Variants in DDX52 observed in about 807,000 individuals in gnomAD.
The protein encoded by DDX52 is DExD-box helicase 52, also known as probable ATP-dependent RNA helicase DDX52.
In DDX52, 59 loss-of-function variants were observed where a neutral mutation model predicts 76.1. That is an observed-to-expected ratio of 0.78 (90% CI 0.63 to 0.96). DDX52 has a LOEUF of 0.96. DDX52 is among the 40% of genes least tolerant of loss of function. The pLI is 0.00. For synonymous variants in DDX52, 231 were observed against 244.1 expected (o/e 0.95, Z 0.50); for missense variants, 707 against 703.9 (o/e 1.00, Z -0.05).
In DDX52 at chr17:37,612,679, G is replaced by GT. The variant is rs2064381775; in HGVS notation, c.*1616dup. 6.6e-6 allele frequency: 1 copy of GT among 152,150 alleles called. No homozygotes were observed. Among genetic ancestry groups the GT allele is most frequent in the Non-Finnish European group, 1.5e-5 (1 of 68,032 alleles). 9.4% of individuals were successfully genotyped at this position (152,150 alleles called of 1,614,324 possible). On this transcript the variant is annotated 3_prime_UTR_variant, in exon 15 of 15. Coordinates refer to ENST00000617633, the MANE Select transcript of DDX52 (RefSeq NM_007010.5). ...GCTCCTTTATCTCTAACATTACATT[G>GT]TAAGGGTAAGGACTGTGTTATCAAG...
chr17:37,612,797 T>G lies in DDX52; in HGVS notation c.*1499A>C, dbSNP rs1222395036. The G allele has an allele frequency of 6.6e-6, 1 of 152,214 alleles. No individual in the cohort carries two copies. The highest frequency in any genetic ancestry group is 2.4e-5 in the African/African-American group (1 of 41,446). 9.4% of individuals were successfully genotyped at this position (152,214 alleles called of 1,614,324 possible). ...TGCTAGGTACTCACAATTGGAGACA[T>G]AATTTTATAGATGAGAACACTGAAA... On this transcript the variant is annotated 3_prime_UTR_variant, in exon 15 of 15. Coordinates refer to ENST00000617633, the MANE Select transcript of DDX52 (RefSeq NM_007010.5).
Position 37,620,854 on chromosome 17 carries a change from G to T in DDX52, c.1577+19C>A. ...GAAGCAATTTTGCCAATAACACTAG[G>T]TTATTTTTTCTAATTTACCTTCTTA... On this transcript the variant is annotated intron_variant, in intron 12 of 14. Coordinates refer to ENST00000617633, the MANE Select transcript of DDX52 (RefSeq NM_007010.5). 1.3e-6 allele frequency: 2 copies of T among 1,579,712 alleles called. No individual in the cohort carries two copies. The highest frequency in any genetic ancestry group is 8.5e-7 in the Non-Finnish European group (1 of 1,170,398).
chr17:37,633,655 CA>C (rs374530358), intron 2 of DDX52, among the ~76,000 whole-genome samples: 7,904 of 80,630 alleles, frequency 0.098, 539 homozygotes, highest in African/African-American at 0.26. Flanking sequence ...AACCTTGTCT[CA>C]AAAAAAAAAA....
intron 6 of DDX52, among the ~76,000 whole-genome samples, chr17:37,627,126 C>T (rs2030422496): frequency 6.6e-6 from 1 of 152,188 alleles, no homozygotes; most frequent in Non-Finnish European, 1.5e-5. Context: ...AACTCTTGGG[C>T]TCAAGAGATC....
chr17:37,640,087 C>T (rs2031118234), intron 2 of DDX52, among the ~76,000 whole-genome samples: 1 of 152,228 alleles, frequency 6.6e-6, no homozygotes, highest in African/African-American at 2.4e-5. Context: ...GTACTTCCTA[C>T]TGATGCAGTG....
chr17:37,628,813 G>C, intron 5 of DDX52, 141 bp from the exon 6 acceptor site: 1 of 624,354 alleles, frequency 1.6e-6, no homozygotes, highest in Non-Finnish European at 2.7e-6. Flanking sequence ...AGATTAACCT[G>C]AAATCTCAGC....
intron 12 of DDX52, chr17:37,620,635 C>G (rs2030033181): frequency 2.5e-6 from 1 of 396,040 alleles, no homozygotes; most frequent in Admixed American, 4.5e-5. Flanking sequence ...AGTCCTGAGT[C>G]TGAAACTTAC....
rs532989386 is a variant in DDX52, at chr17:37,610,971, T to C, written c.*3325A>G. ...CTGACTAAGTTGATACAGGTTACTG[T>C]AGATACTTTAAACAGACACAATAAA... On this transcript the variant is annotated 3_prime_UTR_variant, in exon 15 of 15. Transcript: ENST00000617633. 6.6e-6 allele frequency: 1 copy of C among 152,262 alleles called. No homozygotes were observed. The highest frequency in any genetic ancestry group is 2.4e-5 in the African/African-American group (1 of 41,470). The allele number at this position is 152,262 out of a possible 1,614,324, so 9.4% of individuals were successfully genotyped here.
Position 37,611,537 on chromosome 17 carries a change from G to C in DDX52, c.*2759C>G, listed in dbSNP as rs2064365234. 1 of 152,062 alleles carries C rather than the reference G, an allele frequency of 6.6e-6. No homozygotes were observed. Among genetic ancestry groups the C allele is most frequent in the African/African-American group, 2.4e-5 (1 of 41,422 alleles). 9.4% of individuals were successfully genotyped at this position (152,062 alleles called of 1,614,324 possible). ...GGCTCACTCCAGGTCAGGAGTTTGA[G>C]ACCAGCCTGGCCAACATGGTGAAAC... is the stretch of plus-strand genomic sequence containing the variant. On this transcript the variant is annotated 3_prime_UTR_variant, in exon 15 of 15. Transcript: ENST00000617633.
chr17:37,619,709 A>G, intron 13 of DDX52, 59 bp downstream of exon 13: 2 of 1,516,158 alleles, frequency 1.3e-6, no homozygotes, highest in Non-Finnish European at 1.8e-6. Flanking sequence ...AAGAAAAAAA[A>G]AAAAAAGAAT....
chr17:37,622,444 C>T (rs778961329), intron 9 of DDX52, among the ~76,000 whole-genome samples: 9 of 152,020 alleles, frequency 5.9e-5, no homozygotes, highest in Non-Finnish European at 1.0e-4. Context: ...CAGGTGTGCA[C>T]CACCACGCCT....
At position 37,628,532 on chromosome 17, in the gene DDX52, T is replaced by C. The variant is rs566540300; in HGVS notation, c.859+29A>G. On this transcript the variant is annotated intron_variant, in intron 6 of 14. Coordinates refer to ENST00000617633, the MANE Select transcript of DDX52 (RefSeq NM_007010.5). ...TAATTTCCAGATTCCTTACATGCTC[T>C]ATCTACATCCCATGTATGAATTCCT... 6 of 1,522,030 alleles carry C rather than the reference T, an allele frequency of 3.9e-6. No homozygotes were observed. The South Asian group carries it at 4.7e-5, about 12-fold the overall frequency. The allele number at this position is 1,522,030 out of a possible 1,614,324, so 94.3% of individuals were successfully genotyped here. A position where few individuals can be genotyped will look rare whatever the true frequency, so the allele number is the denominator to read the frequency against.
At chr17:37,623,375 AGAT>A (rs146241213) in intron 9 of DDX52, among the ~76,000 whole-genome samples, 6,581 of 152,218 alleles carry the variant, frequency 0.043, 445 homozygotes, top group African/African-American at 0.15. Flanking sequence ...CAGTGAGCCA[AGAT>A]GACGCCACCG....
At chr17:37,637,489 G>A (rs1003080542) in intron 2 of DDX52, among the ~76,000 whole-genome samples, 5 of 151,856 alleles carry the variant, frequency 3.3e-5, no homozygotes, top group Admixed American at 2.6e-4. Flanking sequence ...AAAATTCCTG[G>A]CCTCAACTGA....
At chr17:37,632,946 C>T (rs1463520238) in intron 3 of DDX52, among the ~76,000 whole-genome samples, 1 of 152,200 alleles carries the variant, frequency 6.6e-6, no homozygotes, top group African/African-American at 2.4e-5. Context: ...CCTTCTAAAC[C>T]GGTGAGCTCA....
intron 2 of DDX52, among the ~76,000 whole-genome samples, chr17:37,640,250 C>T (rs1210424152): frequency 1.3e-5 from 2 of 152,160 alleles, no homozygotes; most frequent in African/African-American, 2.4e-5. Flanking sequence ...TTATCCATCA[C>T]ACAGGAACTT....
rs191924471 is a variant in DDX52 at position 37,617,164 on chromosome 17, T to C, written c.1742+1128A>G. On this transcript the variant is annotated intron_variant, in intron 14 of 14. Coordinates refer to ENST00000617633, the MANE Select transcript of DDX52 (RefSeq NM_007010.5). ...TATACACTACCACCACCAAGTACCT[T>C]GCAGAACAACTTGGTAAATGCCTAC... is the stretch of plus-strand genomic sequence containing the variant. Among the ~76,000 whole-genome samples the C allele has an allele frequency of 7.9e-5, 12 of 152,370 alleles. No homozygotes were observed. In the East Asian group the frequency reaches 2.1e-3, roughly 27 times the overall value.
chr17:37,628,468 T>G (rs940410300), intron 6 of DDX52, 93 bp downstream of exon 6: 1 of 1,067,722 alleles, frequency 9.4e-7, no homozygotes, highest in African/African-American at 1.6e-5. Flanking sequence ...CATACATGAC[T>G]ATACTTTAAC....
At chr17:37,637,406 T>C (rs999337708) in intron 2 of DDX52, among the ~76,000 whole-genome samples, 1 of 151,058 alleles carries the variant, frequency 6.6e-6, no homozygotes, top group Non-Finnish European at 1.5e-5. Flanking sequence ...ACTGGGATTA[T>C]AGGCATGAGC....
Sources: gnomAD v4.1 joint callset for allele counts (sites outside exome capture counted in the v4.1 genomes callset) on GRCh38, gnomAD v4.1.1 for gene constraint, MANE v1.5 for transcripts, NCBI Gene and HGNC (gene_info 2026-07-23, HGNC 2026-07-21) for gene names.